Variants in SLC5A9 observed in about 807,000 individuals in gnomAD.
The protein encoded by SLC5A9 is sodium/glucose cotransporter 4.
A neutral mutation model predicts 70.9 loss-of-function variants in SLC5A9; 59 were observed. That is an observed-to-expected ratio of 0.83 (90% CI 0.68 to 1.03). The LOEUF (loss-of-function observed/expected upper bound fraction) is 1.03. Ranked by LOEUF, SLC5A9 falls within the 50% of genes least tolerant of loss-of-function variation. The pLI is 0.00. For synonymous variants in SLC5A9, 340 were observed against 346.5 expected (o/e 0.98, Z 0.21); for missense variants, 832 against 881.1 (o/e 0.94, Z 0.71).
chr1:48,239,333 G>C lies in SLC5A9; in HGVS notation c.1473G>C (p.Trp491Cys). The C allele has an allele frequency of 6.2e-7, 1 of 1,610,062 alleles. No homozygotes were observed. Among genetic ancestry groups the C allele is most frequent in the Non-Finnish European group, 8.5e-7 (1 of 1,177,118 alleles). The change falls in exon 12 of 14, where the codon TGG becomes TGC. Residue 491 changes from tryptophan (W) to cysteine (C), a missense_variant. Physicochemically the swap from Trp to Cys is radical, Grantham distance 215. Coordinates refer to ENST00000438567, the MANE Select transcript of SLC5A9 (RefSeq NM_001011547.3). The surrounding 1 kb of genome is among the most constrained non-coding windows in gnomAD (Gnocchi z 4.2). The stretch of plus-strand genomic sequence containing the variant: ...GCCCTCTCTCACAGGGAGCTTTCTG[G>C]GGCCTCGTGTTTGGCCTGGGAGTGG... ...CKRVTEPGAFWGLVFGLGVGL... is the reference protein window; with the variant it reads ...CKRVTEPGAFCGLVFGLGVGL...
In SLC5A9 at chr1:48,244,878, G is replaced by GTGTGTATA. The variant is rs1391896495; in HGVS notation, c.1837+2263_1837+2264insGTGTATAT. On this transcript the variant is annotated intron_variant, in intron 13 of 13. Transcript: ENST00000438567. The stretch of plus-strand genomic sequence containing the variant: ...TGTGTGTGTGTATGTATGTGTATGT[G>GTGTGTATA]TATATATATATATATATATATATAT... Among the ~76,000 whole-genome samples the GTGTGTATA allele has an allele frequency of 6.4e-3, 188 of 29,380 alleles. 51 individuals carry two copies. Among genetic ancestry groups the GTGTGTATA allele is most frequent in the Middle Eastern group, 0.062 (2 of 32 alleles). The allele number at this position is 29,380 out of a possible 152,430, so 19.3% of individuals were successfully genotyped here.
At chr1:48,231,104 A>G (rs1047748355) in intron 5 of SLC5A9, among the ~76,000 whole-genome samples, 1 of 152,138 alleles carries the variant, frequency 6.6e-6, no homozygotes, top group Non-Finnish European at 1.5e-5. Context: ...ACCTCCTCCA[A>G]ATCTCCTTGC....
intron 2 of SLC5A9, among the ~76,000 whole-genome samples, chr1:48,226,512 C>T (rs1050626473): frequency 2.0e-5 from 3 of 152,242 alleles, no homozygotes; most frequent in African/African-American, 7.2e-5. Flanking sequence ...GTGCCTCCTG[C>T]ACCTGAGACC....
chr1:48,229,367 C>A lies in SLC5A9; in HGVS notation c.412C>A (p.Pro138Thr). ...CATCGCAGCAGGTGTGGTCACAATG[C>A]CGCAGTATCTGAAGAAGCGATTTGG... Reference protein sequence around the residue: ...VYIAAGVVTMPQYLKKRFGGQ... With the variant: ...VYIAAGVVTMTQYLKKRFGGQ... Residue 138 changes from proline (P) to threonine (T), a missense_variant, in exon 4 of 14, where the codon CCG becomes ACG. Pro to Thr is a conservative substitution (Grantham distance 38). Transcript: ENST00000438567. 6.2e-7 allele frequency: 1 copy of A among 1,614,162 alleles called. No homozygotes were observed. The highest frequency in any genetic ancestry group is 8.5e-7 in the Non-Finnish European group (1 of 1,180,036).
intron 6 of SLC5A9, 84 bp from the exon 7 acceptor site, chr1:48,231,862 G>A: frequency 6.3e-7 from 1 of 1,586,452 alleles, no homozygotes. Context: ...CCAACCTGAG[G>A]GCCCACATGA....
At chr1:48,233,015 A>AGAGGGAGG (rs34762012) in intron 8 of SLC5A9, among the ~76,000 whole-genome samples, 7 of 117,006 alleles carry the variant, frequency 6.0e-5, no homozygotes, top group Admixed American at 9.7e-5. Flanking sequence ...AGGAACGAAG[A>AGAGGGAGG]GAGGGAGGGA....
chr1:48,244,852 CTG>C (rs1198674396), intron 13 of SLC5A9, among the ~76,000 whole-genome samples: 1 of 6,974 alleles, frequency 1.4e-4, no homozygotes, highest in African/African-American at 3.8e-4. Flanking sequence ...TATATAAAAC[CTG>C]TGTGTGTGTA....
rs1295564577 is a variant in SLC5A9, at chr1:48,235,762, C to A, written c.1175C>A (p.Ala392Asp). The A allele has an allele frequency of 6.2e-7, 1 of 1,614,224 alleles. No individual in the cohort carries two copies. Among genetic ancestry groups the A allele is most frequent in the Admixed American group, 1.7e-5 (1 of 60,028 alleles). Residue 392 changes from alanine to aspartate, a missense_variant, in exon 10 of 14, where the codon GCC becomes GAC. Physicochemically the swap from Ala to Asp is moderately radical, Grantham distance 126. Coordinates refer to ENST00000438567, the MANE Select transcript of SLC5A9 (RefSeq NM_001011547.3). The stretch of plus-strand genomic sequence containing the variant: ...GGGCTGATGATTGCCGTGATCATGG[C>A]CGCTCTCATGAGCTCACTCACCTCC... The part of the protein sequence containing the change: ...LRGLMIAVIM[A>D]ALMSSLTSIF...
At position 48,232,392 on chromosome 1, in the gene SLC5A9, C is replaced by T. The variant is rs530346791; in HGVS notation, c.923C>T (p.Ala308Val). The change falls in exon 8 of 14, where the codon GCC becomes GTC. Residue 308 changes from alanine (A) to valine (V), a missense_variant. Transcript: ENST00000438567. ...DQVIVQRSLS[A>V]KSLSHAKGGS... ...GTCATTGTGCAGCGGTCTCTCTCGG[C>T]CAAGAGTCTGTCTCATGCCAAGGGA... 10 of 1,614,170 alleles carry T rather than the reference C, an allele frequency of 6.2e-6. No individual in the cohort carries two copies. The South Asian group carries it at 7.7e-5, about 12-fold the overall frequency.
Position 48,224,795 on chromosome 1 carries a change from A to G in SLC5A9, c.234A>G (p.Pro78=). The change falls in exon 2 of 14, where the codon CCA becomes CCG. Residue 78 remains proline (P), a splice_region_variant and synonymous_variant. Transcript: ENST00000438567. ...CCGGGAGGTCCATGAGCTGGTGGCCAGTGAGTTGACCCTTCTCAACCACCC... is the reference window on the plus strand; with the variant it reads ...CCGGGAGGTCCATGAGCTGGTGGCCGGTGAGTTGACCCTTCTCAACCACCC... ...FLAGRSMSWW[P]IGASLMSSNV... 2 of 1,614,056 alleles carry G rather than the reference A, an allele frequency of 1.2e-6. No homozygotes were observed. Among genetic ancestry groups the G allele is most frequent in the African/African-American group, 2.7e-5 (2 of 75,026 alleles).
Position 48,239,709 on chromosome 1 carries a change from C to T in SLC5A9, c.1677+172C>T, listed in dbSNP as rs1644370762. Among the ~76,000 whole-genome samples, 1 of 152,190 alleles carries T rather than the reference C, an allele frequency of 6.6e-6. No homozygotes were observed. Among genetic ancestry groups the T allele is most frequent in the African/African-American group, 2.4e-5 (1 of 41,444 alleles). On this transcript the variant is annotated intron_variant, in intron 12 of 13. Coordinates refer to ENST00000438567, the MANE Select transcript of SLC5A9 (RefSeq NM_001011547.3). This position sits in a 1 kb window ranked among gnomAD's most constrained non-coding sequence, Gnocchi z 4.2. The stretch of plus-strand genomic sequence containing the variant: ...ATGAATTCCCCATTGAAAAGTAATT[C>T]ATTCAACTCGAAAATTACTCAGTGA...
In SLC5A9 at chr1:48,222,810, T is replaced by C; in HGVS notation, c.74T>C (p.Ile25Thr). The C allele has an allele frequency of 6.2e-7, 1 of 1,614,100 alleles. No individual in the cohort carries two copies. The highest frequency in any genetic ancestry group is 8.5e-7 in the Non-Finnish European group (1 of 1,179,998). ...GTCAGGACTGAGACAGCTCCACACA[T>C]AGCACTGGACTCCAGAGTTGGTCTG... ...DGVRTETAPH[I>T]ALDSRVGLHA... The change falls in exon 1 of 14, where the codon ATA (isoleucine) becomes ACA (threonine). Residue 25 changes from isoleucine to threonine, a missense_variant. Coordinates refer to ENST00000438567, the MANE Select transcript of SLC5A9 (RefSeq NM_001011547.3).
rs1311968183 is a variant in SLC5A9 at position 48,233,689 on chromosome 1, A to G, written c.1068A>G (p.Gln356=). The G allele has an allele frequency of 2.5e-6, 4 of 1,613,916 alleles. No homozygotes were observed. The highest frequency in any genetic ancestry group is 3.4e-6 in the Non-Finnish European group (4 of 1,179,998). The part of the protein sequence containing the change: ...EVGCVDPDVC[Q]RICGARVGCS... Reference sequence around the variant, plus strand: ...GCTGCGTGGACCCTGATGTCTGCCAAAGAATCTGTGGGGCCCGAGTGGGAT... The same window carrying G: ...GCTGCGTGGACCCTGATGTCTGCCAGAGAATCTGTGGGGCCCGAGTGGGAT... Residue 356 remains glutamine, a synonymous_variant, in exon 9 of 14, where the codon CAA becomes CAG. Transcript: ENST00000438567.
chr1:48,247,689 A>C lies in SLC5A9; in HGVS notation c.*146A>C. The C allele has an allele frequency of 2.7e-6, 2 of 739,366 alleles. No homozygotes were observed. The highest frequency in any genetic ancestry group is 4.5e-6 in the Non-Finnish European group (2 of 441,616). The allele number at this position is 739,366 out of a possible 1,614,324, so 45.8% of individuals were successfully genotyped here. ...GCTCCCCTGAAGAGAATCCAACTCA[A>C]CCTGCACACTTGACAAGTGGAGAAA... On this transcript the variant is annotated 3_prime_UTR_variant, in exon 14 of 14. Coordinates refer to ENST00000438567, the MANE Select transcript of SLC5A9 (RefSeq NM_001011547.3).
chr1:48,231,746 C>T lies in SLC5A9; in HGVS notation c.691+121C>T, dbSNP rs529558167. 14 of 1,516,876 alleles carry T rather than the reference C, an allele frequency of 9.2e-6. No individual in the cohort carries two copies. In the Admixed American group the frequency reaches 1.6e-4, roughly 18 times the overall value. The allele number at this position is 1,516,876 out of a possible 1,614,324, so 94.0% of individuals were successfully genotyped here. On this transcript the variant is annotated intron_variant, in intron 6 of 13. Coordinates refer to ENST00000438567, the MANE Select transcript of SLC5A9 (RefSeq NM_001011547.3). ...CATAGAGCCATGTGAGCCATGTCCCCTCTCCAGGCTGCAGCTCCCAAAGAG... is the reference window on the plus strand; with the variant it reads ...CATAGAGCCATGTGAGCCATGTCCCTTCTCCAGGCTGCAGCTCCCAAAGAG...
At chr1:48,236,397 G>T (rs1644327775) in intron 10 of SLC5A9, among the ~76,000 whole-genome samples, 1 of 152,188 alleles carries the variant, frequency 6.6e-6, no homozygotes, top group South Asian at 2.1e-4. Flanking sequence ...AACACAGCAA[G>T]GTATTTGCGT....
Position 48,222,846 on chromosome 1 carries a change from A to G in SLC5A9, c.110A>G (p.Asp37Gly). 1.9e-6 allele frequency: 3 copies of G among 1,614,138 alleles called. No homozygotes were observed. Among genetic ancestry groups the G allele is most frequent in the Non-Finnish European group, 2.5e-6 (3 of 1,180,032 alleles). ...LDSRVGLHAY[D>G]ISVVVIYFVF... ...TCCAGAGTTGGTCTGCACGCCTACG[A>G]CATCAGCGTGGTGGTCATCTACTTT... Residue 37 changes from aspartate (D) to glycine (G), a missense_variant, in exon 1 of 14, where the codon GAC becomes GGC. By Grantham distance (94) the Asp-to-Gly change is moderately conservative (BLOSUM62 -1). Coordinates refer to ENST00000438567, the MANE Select transcript of SLC5A9 (RefSeq NM_001011547.3).
intron 2 of SLC5A9, among the ~76,000 whole-genome samples, chr1:48,226,921 G>A (rs1247032765): frequency 6.6e-6 from 1 of 152,198 alleles, no homozygotes; most frequent in Non-Finnish European, 1.5e-5. Flanking sequence ...AGCACCCTGG[G>A]ACCGCCTGAG....
At chr1:48,230,289 C>T (rs1176815351) in intron 4 of SLC5A9, among the ~76,000 whole-genome samples, 1 of 152,228 alleles carries the variant, frequency 6.6e-6, no homozygotes, top group East Asian at 1.9e-4. Context: ...TCCAGCCCAG[C>T]ACCTTCCTTC....
Sources: gnomAD v4.1 joint callset for allele counts (sites outside exome capture counted in the v4.1 genomes callset) on GRCh38, gnomAD v4.1.1 for gene constraint, Gnocchi (gnomAD v3.1) non-coding constraint, MANE v1.5 for transcripts, NCBI Gene and HGNC (gene_info 2026-07-23, HGNC 2026-07-21) for gene names.